Variants in ROR2 observed in about 807,000 individuals in gnomAD.
The protein encoded by ROR2 is tyrosine-protein kinase transmembrane receptor ROR2.
ROR2 carries 33 observed loss-of-function variants against 74.9 expected under a neutral mutation model. That is an observed-to-expected ratio of 0.44 (90% CI 0.33 to 0.59). The LOEUF is 0.59. Ranked by LOEUF, ROR2 falls within the 20% of genes least tolerant of loss-of-function variation. The probability of loss-of-function intolerance (pLI) is 0.02; values close to 1 mark genes in which losing one functional copy is unlikely to be tolerated. For synonymous variants in ROR2, 586 were observed against 558.7 expected (o/e 1.05, Z -0.69); for missense variants, 1,216 against 1,313.8 (o/e 0.93, Z 1.15).
chr9:91,756,141 A>G (rs1825743074), intron 3 of ROR2, 40 bp from the exon 4 acceptor site: 2 of 1,598,862 alleles, frequency 1.3e-6, no homozygotes, highest in Admixed American at 1.7e-5. Context: ...TTAATACTCC[A>G]TGATTTGGAA....
chr9:91,874,359 A>G (rs1829896668), intron 1 of ROR2, among the ~76,000 whole-genome samples: 1 of 152,174 alleles, frequency 6.6e-6, no homozygotes. Flanking sequence ...CTGCTCACAA[A>G]CCTGCTTAGG....
chr9:91,811,003 T>C (rs1827731948), intron 1 of ROR2, among the ~76,000 whole-genome samples: 1 of 152,242 alleles, frequency 6.6e-6, no homozygotes, highest in African/African-American at 2.4e-5. Flanking sequence ...AACTATAAGA[T>C]GCAGTTTCTC....
intron 1 of ROR2, among the ~76,000 whole-genome samples, chr9:91,825,659 CTT>C (rs1229613595): frequency 1.3e-5 from 2 of 152,068 alleles, no homozygotes. Context: ...AGTCACAGGA[CTT>C]TTGAGTCAGC....
At chr9:91,746,991 C>T (rs994551517) in intron 4 of ROR2, among the ~76,000 whole-genome samples, 3 of 152,124 alleles carry the variant, frequency 2.0e-5, no homozygotes, top group Non-Finnish European at 4.4e-5. Context: ...GAAGGCAGCA[C>T]GCCCCACCCC....
chr9:91,751,019 G>T (rs774578131), intron 4 of ROR2, among the ~76,000 whole-genome samples: 2 of 152,170 alleles, frequency 1.3e-5, no homozygotes, highest in African/African-American at 2.4e-5. Context: ...TTGCAGGTGA[G>T]GCTATGAATG....
At chr9:91,848,764 GAAAA>G (rs36044426) in intron 1 of ROR2, among the ~76,000 whole-genome samples, 2 of 103,752 alleles carry the variant, frequency 1.9e-5, no homozygotes, top group East Asian at 5.4e-4. Context: ...CAGGGGGGAA[GAAAA>G]AAAAAAAAAA....
At chr9:91,849,377 G>C (rs142923581) in intron 1 of ROR2, among the ~76,000 whole-genome samples, 1 of 152,140 alleles carries the variant, frequency 6.6e-6, no homozygotes, top group Non-Finnish European at 1.5e-5. Context: ...TGGCGAAAAC[G>C]CAATCTCTTC....
chr9:91,919,412 T>C (rs919741437), intron 1 of ROR2, among the ~76,000 whole-genome samples: 5 of 152,210 alleles, frequency 3.3e-5, no homozygotes, highest in African/African-American at 9.7e-5. Flanking sequence ...GGCCAACTCG[T>C]GTAATAACAA....
chr9:91,736,346 G>A (rs1445912049), intron 5 of ROR2, among the ~76,000 whole-genome samples: 1 of 152,166 alleles, frequency 6.6e-6, no homozygotes, highest in Non-Finnish European at 1.5e-5. Context: ...AACTTAGAAG[G>A]GCTTGTCAGT....
intron 1 of ROR2, 86 bp downstream of exon 1, chr9:91,949,781 C>A: frequency 8.0e-6 from 7 of 878,008 alleles, no homozygotes; most frequent in Middle Eastern, 5.8e-4. Context: ...GCCGGCGCAG[C>A]GGCCGGGAGC....
chr9:91,804,516 G>A (rs1276674263), intron 1 of ROR2, among the ~76,000 whole-genome samples: 2 of 152,222 alleles, frequency 1.3e-5, no homozygotes, highest in Non-Finnish European at 2.9e-5. Flanking sequence ...CTTGGAGACT[G>A]CATGCTCATC....
intron 1 of ROR2, among the ~76,000 whole-genome samples, chr9:91,934,054 G>A (rs186913577): frequency 1.3e-5 from 2 of 152,164 alleles, no homozygotes; most frequent in African/African-American, 4.8e-5. Flanking sequence ...AAGCACATGT[G>A]CGCAGAAAAC....
At chr9:91,866,283 C>A (rs1177421582) in intron 1 of ROR2, among the ~76,000 whole-genome samples, 5 of 151,734 alleles carry the variant, frequency 3.3e-5, no homozygotes, top group Non-Finnish European at 7.4e-5. Flanking sequence ...CCACACCCAG[C>A]TAATTTTTAT....
At chr9:91,844,913 T>C (rs1242199748) in intron 1 of ROR2, among the ~76,000 whole-genome samples, 3 of 152,112 alleles carry the variant, frequency 2.0e-5, no homozygotes, top group South Asian at 4.1e-4. Context: ...GAAGGGGAAA[T>C]GTCATTCCTG....
At chr9:91,855,833 C>G (rs535548144) in intron 1 of ROR2, among the ~76,000 whole-genome samples, 1 of 151,994 alleles carries the variant, frequency 6.6e-6, no homozygotes, top group Non-Finnish European at 1.5e-5. Flanking sequence ...GTCAGCACCC[C>G]CAAGAGACAC....
chr9:91,944,489 T>C (rs1831960872), intron 1 of ROR2, among the ~76,000 whole-genome samples: 1 of 152,212 alleles, frequency 6.6e-6, no homozygotes, highest in African/African-American at 2.4e-5. Context: ...AAAAATGCTA[T>C]TTGAGCTAAT....
At chr9:91,890,706 T>C (rs2119396238) in intron 1 of ROR2, among the ~76,000 whole-genome samples, 1 of 152,332 alleles carries the variant, frequency 6.6e-6, no homozygotes, top group Non-Finnish European at 1.5e-5. Context: ...TCTTTTCTAA[T>C]TATCGTATTG....
chr9:91,864,337 T>TGCCACAAGTCCACAAGCCCACGCTGG (rs1204512526), intron 1 of ROR2, among the ~76,000 whole-genome samples: 21 of 152,312 alleles, frequency 1.4e-4, no homozygotes, highest in Middle Eastern at 3.4e-3. Context: ...TCCTAAGTCC[T>TGCCACAAGTCCACAAGCCCACGCTGG]GCCACAAGTC....
chr9:91,937,055 C>CAAAAAAAAAAAAA (rs1564051353), intron 1 of ROR2, among the ~76,000 whole-genome samples: 2 of 130,028 alleles, frequency 1.5e-5, no homozygotes, highest in African/African-American at 3.0e-5. Context: ...AAAGATTTCC[C>CAAAAAAAAAAAAA]ATCTTCTACT....
Sources: allele counts gnomAD v4.1 joint callset (sites outside exome capture counted in the v4.1 genomes callset), GRCh38; gene constraint gnomAD v4.1.1; transcripts MANE v1.5; gene names NCBI Gene and HGNC (gene_info 2026-07-23, HGNC 2026-07-21).